HS6ST2: variants seen among roughly 807,000 people sequenced by gnomAD.
HS6ST2 encodes the protein heparan sulfate 6-O-sulfotransferase 2, also known as heparan-sulfate 6-O-sulfotransferase 2.
A neutral mutation model predicts 33.0 loss-of-function variants in HS6ST2; 17 were observed. The observed-to-expected ratio is 0.52, with a 90% confidence interval of 0.35 to 0.77. The LOEUF is 0.77. Among genes scored for constraint, HS6ST2 ranks in the 30% least tolerant of loss-of-function variants. HS6ST2 has a pLI of 0.01. For missense variants in HS6ST2, 519 were observed against 551.7 expected, an observed-to-expected ratio of 0.94 and a Z score of 0.59; for synonymous variants, 248 against 237.1, an observed-to-expected ratio of 1.05 and a Z score of -0.42.
intron 2 of HS6ST2, among the ~76,000 whole-genome samples, chrX:132,854,658 G>A (rs185277811): frequency 1.8e-5 from 2 of 112,342 alleles, no homozygotes; most frequent in Non-Finnish European, 3.8e-5. Flanking sequence ...TAGACACAAG[G>A]AACCTTCTGC....
intron 2 of HS6ST2, among the ~76,000 whole-genome samples, chrX:132,912,241 C>T (rs932664152): frequency 4.4e-5 from 5 of 112,860 alleles, no homozygotes; most frequent in African/African-American, 1.6e-4. Context: ...GTTGCTTCCC[C>T]TCATGGGGCA....
intron 4 of HS6ST2, among the ~76,000 whole-genome samples, chrX:132,656,835 C>T (rs1340585164): frequency 8.9e-6 from 1 of 111,771 alleles, no homozygotes; most frequent in Non-Finnish European, 1.9e-5. Context: ...CAGACTACCC[C>T]ATCACTTTCA....
chrX:132,908,073 ACAAGTAATC>A (rs1329734565), intron 2 of HS6ST2, among the ~76,000 whole-genome samples: 1 of 112,338 alleles, frequency 8.9e-6, no homozygotes, highest in African/African-American at 3.2e-5. Flanking sequence ...ATAACTTAAG[ACAAGTAATC>A]CAATTTTCAA....
At chrX:132,809,399 T>G (rs1191579930) in intron 2 of HS6ST2, among the ~76,000 whole-genome samples, 2 of 112,327 alleles carry the variant, frequency 1.8e-5, no homozygotes, top group African/African-American at 6.5e-5. Context: ...TCTCTGAGAA[T>G]AGATCCCAGG....
At chrX:132,682,402 G>A in intron 3 of HS6ST2, among the ~76,000 whole-genome samples, 1 of 112,034 alleles carries the variant, frequency 8.9e-6, no homozygotes, top group East Asian at 2.8e-4. Context: ...CCTGCAAGTA[G>A]CAAAGAAGTT....
At chrX:132,787,815 C>T (rs1462633113) in intron 2 of HS6ST2, among the ~76,000 whole-genome samples, 3 of 107,538 alleles carry the variant, frequency 2.8e-5, no homozygotes, top group African/African-American at 6.8e-5. Flanking sequence ...CACTTGAACC[C>T]GGGAGGCAGA....
intron 2 of HS6ST2, among the ~76,000 whole-genome samples, chrX:132,867,542 T>G (rs1390195411): frequency 4.5e-5 from 5 of 111,987 alleles, no homozygotes; most frequent in African/African-American, 1.6e-4. Flanking sequence ...TTGGAATAGT[T>G]TCAGAAGGAA....
chrX:132,741,782 G>A (rs1030838316), intron 2 of HS6ST2, among the ~76,000 whole-genome samples: 26 of 111,128 alleles, frequency 2.3e-4, no homozygotes, highest in Admixed American at 2.3e-3. Flanking sequence ...TTCCACCCAG[G>A]GATGCAAAAA....
chrX:132,670,327 G>C (rs1233175816), intron 3 of HS6ST2, among the ~76,000 whole-genome samples: 1 of 111,572 alleles, frequency 9.0e-6, no homozygotes, highest in Non-Finnish European at 1.9e-5. Flanking sequence ...GGGTGGGCTG[G>C]GGGTCACAAA....
At chrX:132,676,034 T>C (rs2063921771) in intron 3 of HS6ST2, among the ~76,000 whole-genome samples, 1 of 111,687 alleles carries the variant, frequency 9.0e-6, no homozygotes, top group Non-Finnish European at 1.9e-5. Context: ...TTGAGGGACC[T>C]GTGGCCATCA....
At chrX:132,856,876 A>G (rs1410290908) in intron 2 of HS6ST2, among the ~76,000 whole-genome samples, 2 of 112,033 alleles carry the variant, frequency 1.8e-5, no homozygotes, top group Non-Finnish European at 3.8e-5. Flanking sequence ...TAAAATTATG[A>G]GAGAAAAAAA....
At chrX:132,899,087 G>A (rs747719478) in intron 2 of HS6ST2, among the ~76,000 whole-genome samples, 32 of 111,639 alleles carry the variant, frequency 2.9e-4, no homozygotes, top group Non-Finnish European at 5.6e-4. Context: ...TAAAGGCTAC[G>A]TTGATACTAC....
chrX:132,761,709 A>G (rs781568166), intron 2 of HS6ST2, among the ~76,000 whole-genome samples: 3 of 112,191 alleles, frequency 2.7e-5, no homozygotes, highest in Non-Finnish European at 5.6e-5. Flanking sequence ...ACCGAAGCAC[A>G]ATGGCTACAG....
At chrX:132,691,178 G>A (rs761944209) in intron 3 of HS6ST2, among the ~76,000 whole-genome samples, 3 of 111,747 alleles carry the variant, frequency 2.7e-5, no homozygotes, top group East Asian at 2.8e-4. Context: ...AGGACCAGTC[G>A]AGGACAAAGG....
chrX:132,889,570 T>C (rs2066286719), intron 2 of HS6ST2, among the ~76,000 whole-genome samples: 1 of 110,782 alleles, frequency 9.0e-6, no homozygotes, highest in South Asian at 3.9e-4. Context: ...TAGTCAGAGG[T>C]TGAGGTCTTA....
intron 2 of HS6ST2, among the ~76,000 whole-genome samples, chrX:132,770,163 A>G (rs1055488541): frequency 8.9e-6 from 1 of 111,821 alleles, no homozygotes; most frequent in Non-Finnish European, 1.9e-5. Flanking sequence ...CATTATACAC[A>G]TTATCTCATT....
At position 132,957,137 on chromosome X, in the gene HS6ST2, G is replaced by A. The variant is rs1361784438; in HGVS notation, c.618C>T (p.Pro206=). The change falls in exon 2 of 5, where the codon CCC becomes CCT. Residue 206 remains proline (P), a synonymous_variant. Coordinates refer to ENST00000370833, the MANE Select transcript of HS6ST2 (RefSeq NM_001394073.1). The stretch of plus-strand genomic sequence containing the variant: ...GGTCGCCGCGGGTGAAATTGTAGCG[G>A]GGCACGAACCTGGCGGAGCTCTCAT... ...SEDESSARFV[P]RYNFTRGDLL... 8.3e-7 allele frequency: 1 copy of A among 1,211,715 alleles called. No homozygotes were observed.
chrX:132,872,174 T>A (rs1449673440), intron 2 of HS6ST2, among the ~76,000 whole-genome samples: 1 of 111,669 alleles, frequency 9.0e-6, no homozygotes, highest in Non-Finnish European at 1.9e-5. Flanking sequence ...ACATCGGTTG[T>A]CCTTTATTGG....
At chrX:132,759,269 G>A (rs2064784172) in intron 2 of HS6ST2, among the ~76,000 whole-genome samples, 1 of 111,866 alleles carries the variant, frequency 8.9e-6, no homozygotes. Context: ...GTGAAATATG[G>A]GCAATAAGTA....
Sources: allele counts gnomAD v4.1 joint callset (sites outside exome capture counted in the v4.1 genomes callset), GRCh38; gene constraint gnomAD v4.1.1; transcripts MANE v1.5; gene names NCBI Gene and HGNC (gene_info 2026-07-23, HGNC 2026-07-21).